GLT8D2: variants seen among roughly 807,000 people sequenced by gnomAD.
GLT8D2 encodes glycosyltransferase 8 domain containing 2.
Under a neutral mutation model 44.5 loss-of-function variants are expected in GLT8D2, and 45 were observed. The observed-to-expected ratio is 1.01, with a 90% CI of 0.80 to 1.30. The LOEUF (loss-of-function observed/expected upper bound fraction) is 1.30, where lower values mean the gene tolerates loss of function less well. Among genes scored for constraint, GLT8D2 ranks in the 50% most tolerant of loss-of-function variants. The pLI is 0.00. For synonymous variants in GLT8D2, 156 were observed against 157.2 expected, an observed-to-expected ratio of 0.99 and a Z score of 0.06; for missense variants, 400 against 430.4, an observed-to-expected ratio of 0.93 and a Z score of 0.62.
chr12:104,030,905 C>T (rs1345402746), intron 1 of GLT8D2: 2 of 1,532,174 alleles, frequency 1.3e-6, no homozygotes, highest in African/African-American at 2.8e-5. Context: ...GCGCGGCGGG[C>T]AGGCGCTACG....
chr12:104,020,354 A>G lies in GLT8D2; in HGVS notation c.-28-678T>C, dbSNP rs1022866334. Among the ~76,000 whole-genome samples, 6 of 152,162 alleles carry G rather than the reference A, an allele frequency of 3.9e-5. 1 individual carries two copies. The highest frequency in any genetic ancestry group is 2.0e-4 in the Admixed American group (3 of 15,270). ...ATCAACCCTATGCCATCTTTCTACT[A>G]TCATAACTTCGTTCCTCGATAAGGC... On this transcript the variant is annotated intron_variant, in intron 2 of 10. Transcript: ENST00000360814.
At chr12:104,034,358 A>G (rs1879695894) in intron 1 of GLT8D2, among the ~76,000 whole-genome samples, 1 of 152,250 alleles carries the variant, frequency 6.6e-6, no homozygotes, top group African/African-American at 2.4e-5. Flanking sequence ...TGAGAAGCCC[A>G]AAGGGTCGGG....
At chr12:104,020,708 T>C (rs943130116) in intron 2 of GLT8D2, among the ~76,000 whole-genome samples, 1 of 151,942 alleles carries the variant, frequency 6.6e-6, no homozygotes, top group Non-Finnish European at 1.5e-5. Flanking sequence ...GGAGATGGCA[T>C]TGGAGGGAAA....
intron 1 of GLT8D2, among the ~76,000 whole-genome samples, chr12:104,061,619 C>A (rs1256255311): frequency 6.6e-6 from 1 of 152,084 alleles, no homozygotes; most frequent in East Asian, 1.9e-4. Context: ...ATATTCATAA[C>A]CTCTTTTCTG....
Position 103,997,468 on chromosome 12 carries a change from T to C in GLT8D2, c.470A>G (p.Asp157Gly), listed in dbSNP as rs771436532. The C allele has an allele frequency of 3.7e-6, 6 of 1,612,660 alleles. No individual in the cohort carries two copies. The highest frequency in any genetic ancestry group is 2.2e-5 in the South Asian group (2 of 91,064). Residue 157 changes from aspartate to glycine, a missense_variant, in exon 7 of 11, where the codon GAT becomes GGT. Physicochemically the swap from Asp to Gly is moderately conservative, Grantham distance 94. Coordinates refer to ENST00000360814, the MANE Select transcript of GLT8D2 (RefSeq NM_001384711.1). The part of the protein sequence containing the change: ...HQHEKVIYLD[D>G]DVIVQGDIQE... Reference sequence around the variant, plus strand: ...GAGAGTACCTTGTACAATTACATCATCGTCCAAATAGATGACTTTCTCGTG... The same window carrying C: ...GAGAGTACCTTGTACAATTACATCACCGTCCAAATAGATGACTTTCTCGTG...
chr12:103,993,605 A>G, intron 9 of GLT8D2, 101 bp from the exon 10 acceptor site: 1 of 733,682 alleles, frequency 1.4e-6, no homozygotes, highest in Non-Finnish European at 2.2e-6. Context: ...TTATCTCACT[A>G]TGTACTAAGA....
intron 2 of GLT8D2, among the ~76,000 whole-genome samples, chr12:104,021,063 G>C (rs149556757): frequency 1.3e-3 from 194 of 152,316 alleles, no homozygotes; most frequent in African/African-American, 4.4e-3. Flanking sequence ...ACTCAACATT[G>C]CTCACAATGA....
At chr12:104,014,229 C>T (rs1876232529) in intron 4 of GLT8D2, 1 of 694,534 alleles carries the variant, frequency 1.4e-6, no homozygotes, top group South Asian at 1.5e-5. Flanking sequence ...GTGGCACACA[C>T]CTGTAGTTCC....
chr12:104,031,546 G>A (rs894581512), intron 1 of GLT8D2: 6 of 1,610,486 alleles, frequency 3.7e-6, no homozygotes, highest in Non-Finnish European at 2.5e-6. Context: ...AGAAGTGAAG[G>A]CCGGCGGGGA....
intron 1 of GLT8D2, among the ~76,000 whole-genome samples, chr12:104,038,180 C>G (rs1031500174): frequency 6.6e-6 from 1 of 152,168 alleles, no homozygotes; most frequent in Non-Finnish European, 1.5e-5. Context: ...AAACCCACAG[C>G]CAATATCATA....
chr12:104,033,310 T>C (rs947350955), intron 1 of GLT8D2, among the ~76,000 whole-genome samples: 1 of 152,170 alleles, frequency 6.6e-6, no homozygotes, highest in African/African-American at 2.4e-5. Flanking sequence ...CAAAATAAAA[T>C]ATTATTTCAC....
chr12:103,989,368 C>A lies in GLT8D2; in HGVS notation c.*40G>T. 2.0e-6 allele frequency: 3 copies of A among 1,492,084 alleles called. No homozygotes were observed. Among genetic ancestry groups the A allele is most frequent in the South Asian group, 1.3e-5 (1 of 78,350 alleles). 92.4% of individuals were successfully genotyped at this position (1,492,084 alleles called of 1,614,324 possible). A position where few individuals can be genotyped will look rare whatever the true frequency, so the allele number is the denominator to read the frequency against. Reference sequence around the variant, plus strand: ...ATAGTTGGCTACAAAGGGACAATTCCACATTTCTATACAGGGAATATTTTA... The same window carrying A: ...ATAGTTGGCTACAAAGGGACAATTCAACATTTCTATACAGGGAATATTTTA... On this transcript the variant is annotated 3_prime_UTR_variant, in exon 11 of 11. Transcript: ENST00000360814.
intron 1 of GLT8D2, among the ~76,000 whole-genome samples, chr12:104,057,201 T>C (rs1415145608): frequency 2.0e-5 from 3 of 152,168 alleles, no homozygotes; most frequent in African/African-American, 7.2e-5. Flanking sequence ...AAAGGAATGC[T>C]GAAAGATATC....
chr12:103,996,024 A>G (rs1013724780), intron 8 of GLT8D2, among the ~76,000 whole-genome samples: 9 of 152,250 alleles, frequency 5.9e-5, no homozygotes, highest in African/African-American at 1.9e-4. Context: ...AAAACTACCA[A>G]GTGATAGTGC....
At chr12:103,992,137 G>T (rs528209609) in intron 10 of GLT8D2, among the ~76,000 whole-genome samples, 1 of 152,202 alleles carries the variant, frequency 6.6e-6, no homozygotes, top group Non-Finnish European at 1.5e-5. Context: ...TTGGATCAGG[G>T]ATTGTGGCCA....
At chr12:104,042,971 G>T (rs1343870698) in intron 1 of GLT8D2, among the ~76,000 whole-genome samples, 1 of 152,166 alleles carries the variant, frequency 6.6e-6, no homozygotes, top group Non-Finnish European at 1.5e-5. Context: ...ACATCTTCTG[G>T]CTAACAAGGT....
chr12:103,989,962 A>G (rs1274277764), intron 10 of GLT8D2, among the ~76,000 whole-genome samples: 1 of 151,860 alleles, frequency 6.6e-6, no homozygotes, highest in Non-Finnish European at 1.5e-5. Flanking sequence ...ACTGTATAGA[A>G]TGATACTATT....
chr12:104,038,082 C>A (rs1388495648), intron 1 of GLT8D2, among the ~76,000 whole-genome samples: 2 of 152,154 alleles, frequency 1.3e-5, no homozygotes, highest in Non-Finnish European at 2.9e-5. Context: ...AGGCCTTCCA[C>A]AAAATTCAAC....
intron 1 of GLT8D2, among the ~76,000 whole-genome samples, chr12:104,045,917 AAGAAAG>A (rs1447182652): frequency 6.8e-6 from 1 of 146,314 alleles, no homozygotes; most frequent in Admixed American, 6.8e-5. Context: ...GAAAGAAAGA[AAGAAAG>A]AAAGAAAGAA....
Sources: allele counts gnomAD v4.1 joint callset (sites outside exome capture counted in the v4.1 genomes callset), GRCh38; gene constraint gnomAD v4.1.1; transcripts MANE v1.5; gene names NCBI Gene and HGNC (gene_info 2026-07-23, HGNC 2026-07-21).